Variants in MAPKAPK5 observed in about 807,000 individuals in gnomAD.
The protein encoded by MAPKAPK5 is MAPK activated protein kinase 5.
A neutral mutation model predicts 65.1 loss-of-function variants in MAPKAPK5; 30 were observed. That is an observed-to-expected ratio of 0.46 (90% confidence interval 0.34 to 0.63). The LOEUF is 0.63. MAPKAPK5 is among the 20% of genes least tolerant of loss of function. The probability of loss-of-function intolerance (pLI) is 0.01; values close to 1 mark genes in which losing one functional copy is unlikely to be tolerated. For synonymous variants in MAPKAPK5, 179 were observed against 204.6 expected (o/e 0.87, Z 1.07); for missense variants, 433 against 581.4 (o/e 0.74, Z 2.63).
Position 111,901,602 on chromosome 12 carries a change from T to A in MAPKAPK5, c.*8541T>A. The A allele has an allele frequency of 2.3e-5, 6 of 265,584 alleles. No homozygotes were observed. The highest frequency in any genetic ancestry group is 4.8e-5 in the Admixed American group (1 of 20,840). The allele number at this position is 265,584 out of a possible 1,614,324, so 16.5% of individuals were successfully genotyped here. On this transcript the variant is annotated 3_prime_UTR_variant, in exon 14 of 14. Coordinates refer to ENST00000550735, the MANE Select transcript of MAPKAPK5 (RefSeq NM_003668.4). Reference sequence around the variant, plus strand: ...GTGGCTCCACCACCGGCCCCAGAAATAAAGCCAGAAGCAGCAGAAGTGGCC... The same window carrying A: ...GTGGCTCCACCACCGGCCCCAGAAAAAAAGCCAGAAGCAGCAGAAGTGGCC...
intron 1 of MAPKAPK5, chr12:111,843,223 G>T (rs889466170): frequency 1.0e-5 from 4 of 398,514 alleles, no homozygotes; most frequent in African/African-American, 6.2e-5. Context: ...GTGGTTCGCC[G>T]TACAAAACCT....
At chr12:111,874,612 G>A (rs527383701) in intron 7 of MAPKAPK5, among the ~76,000 whole-genome samples, 47 of 147,434 alleles carry the variant, frequency 3.2e-4, no homozygotes, top group African/African-American at 1.1e-3. Context: ...ACAGGCGCCC[G>A]CCACCACACC....
intron 1 of MAPKAPK5, among the ~76,000 whole-genome samples, chr12:111,857,682 C>T (rs978646045): frequency 2.0e-5 from 3 of 152,108 alleles, no homozygotes; most frequent in Non-Finnish European, 4.4e-5. Context: ...CTTTATTTCA[C>T]TGTTAATTTT....
At chr12:111,884,941 A>G (rs1320803850) in intron 9 of MAPKAPK5, among the ~76,000 whole-genome samples, 1 of 152,212 alleles carries the variant, frequency 6.6e-6, no homozygotes, top group African/African-American at 2.4e-5. Flanking sequence ...TCTAAAATAG[A>G]CAAGTACAAG....
intron 1 of MAPKAPK5, among the ~76,000 whole-genome samples, chr12:111,844,914 T>C (rs988391176): frequency 2.6e-5 from 4 of 152,070 alleles, no homozygotes; most frequent in East Asian, 3.9e-4. Context: ...AGTGGGTCAG[T>C]GGAGATGATG....
rs922850709 is a variant in MAPKAPK5, at chr12:111,893,233, A to G, written c.*172A>G. 4.7e-6 allele frequency: 2 copies of G among 424,682 alleles called. No individual in the cohort carries two copies. Among genetic ancestry groups the G allele is most frequent in the African/African-American group, 4.0e-5 (2 of 49,498 alleles). The allele number at this position is 424,682 out of a possible 1,614,324, so 26.3% of individuals were successfully genotyped here. On this transcript the variant is annotated 3_prime_UTR_variant, in exon 14 of 14. Coordinates refer to ENST00000550735, the MANE Select transcript of MAPKAPK5 (RefSeq NM_003668.4). ...GTATAGTTATTGTTTGTTTTTAAGA[A>G]AAGCTCAGTTCTAGAGACATACTAT... is the stretch of plus-strand genomic sequence containing the variant.
In MAPKAPK5 at chr12:111,901,203, G is replaced by C. The variant is rs1478885922; in HGVS notation, c.*8142G>C. 4.4e-6 allele frequency: 2 copies of C among 456,016 alleles called. No individual in the cohort carries two copies. Among genetic ancestry groups the C allele is most frequent in the Non-Finnish European group, 8.8e-6 (2 of 226,796 alleles). 28.2% of individuals were successfully genotyped at this position (456,016 alleles called of 1,614,324 possible). ...TGGCACTTACTGTGCACCAAACAAA[G>C]TCTGCCTGAATTCCGCCTGCACAGA... On this transcript the variant is annotated 3_prime_UTR_variant, in exon 14 of 14. Transcript: ENST00000550735.
rs796383058 is a variant in MAPKAPK5, at chr12:111,849,240, CT to C, written c.36+6481del. Among the ~76,000 whole-genome samples the C allele has an allele frequency of 2.4e-3, 351 of 146,124 alleles. 3 individuals carry two copies. The highest frequency in any genetic ancestry group is 7.9e-3 in the African/African-American group (317 of 40,116). Reference sequence around the variant, plus strand: ...GGATTACTGCACCTGGCCAAGAGTTCTTTTTTTTTTCTTTCTTTTTTTTTTT... The same window carrying C: ...GGATTACTGCACCTGGCCAAGAGTTCTTTTTTTTTCTTTCTTTTTTTTTTT... On this transcript the variant is annotated intron_variant, in intron 1 of 13. Transcript: ENST00000550735.
chr12:111,883,451 T>C lies in MAPKAPK5; in HGVS notation c.661-130T>C. 1.5e-6 allele frequency: 1 copy of C among 683,372 alleles called. No homozygotes were observed. Among genetic ancestry groups the C allele is most frequent in the Non-Finnish European group, 2.5e-6 (1 of 402,354 alleles). The allele number at this position is 683,372 out of a possible 1,614,324, so 42.3% of individuals were successfully genotyped here. On this transcript the variant is annotated intron_variant, in intron 8 of 13. Coordinates refer to ENST00000550735, the MANE Select transcript of MAPKAPK5 (RefSeq NM_003668.4). This position sits in a 1 kb window ranked among gnomAD's most constrained non-coding sequence, Gnocchi z 4.8. ...CTCCTAAGACTTCCTTCAGCTTTCC[T>C]AGTCTCTGTTAAGTGACTCTAGTTT... is the stretch of plus-strand genomic sequence containing the variant.
At position 111,868,810 on chromosome 12, in the gene MAPKAPK5, C is replaced by G. The variant is rs2069690322; in HGVS notation, c.342C>G (p.Ile114Met). The change falls in exon 5 of 14, where the codon ATC becomes ATG. Residue 114 changes from isoleucine (I) to methionine (M), a missense_variant. By Grantham distance (10) the Ile-to-Met change is conservative (BLOSUM62 1). Transcript: ENST00000550735. ...MMEGGELFHR[I>M]SQHRHFTEKQ... The stretch of plus-strand genomic sequence containing the variant: ...AAGGGGGAGAGCTATTTCACAGAAT[C>G]AGCCAGCACCGGCACTTTACAGAGA... The G allele has an allele frequency of 6.4e-7, 1 of 1,569,178 alleles. No homozygotes were observed. Among genetic ancestry groups the G allele is most frequent in the East Asian group, 2.4e-5 (1 of 42,282 alleles).
rs1478443439 is a variant in MAPKAPK5 at position 111,842,787 on chromosome 12, C to T, written c.36+18C>T. The T allele has an allele frequency of 2.3e-6, 3 of 1,316,304 alleles. No individual in the cohort carries two copies. Among genetic ancestry groups the T allele is most frequent in the Admixed American group, 3.2e-5 (1 of 31,276 alleles). 81.5% of individuals were successfully genotyped at this position (1,316,304 alleles called of 1,614,324 possible). On this transcript the variant is annotated intron_variant, in intron 1 of 13. Coordinates refer to ENST00000550735, the MANE Select transcript of MAPKAPK5 (RefSeq NM_003668.4). ...CCATCAAGGTAAGGGGGAGGTGCCC[C>T]CTCTTCCCCCGCGTTGTCCTGTGGC...
chr12:111,900,050 T>G lies in MAPKAPK5; in HGVS notation c.*6989T>G. On this transcript the variant is annotated 3_prime_UTR_variant, in exon 14 of 14. Transcript: ENST00000550735. ...CGGTCCAGACAGTAGTGGATGTCAT[T>G]GCTCTGGCCAACAGCTTCACTAGGG... 2.2e-6 allele frequency: 1 copy of G among 456,074 alleles called. No homozygotes were observed. Among genetic ancestry groups the G allele is most frequent in the Non-Finnish European group, 4.4e-6 (1 of 226,798 alleles). 28.3% of individuals were successfully genotyped at this position (456,074 alleles called of 1,614,324 possible). A position where few individuals can be genotyped will look rare whatever the true frequency, so the allele number is the denominator to read the frequency against.
intron 5 of MAPKAPK5, among the ~76,000 whole-genome samples, 164 bp downstream of exon 5, chr12:111,869,025 C>T (rs1228344664): frequency 6.6e-6 from 1 of 151,886 alleles, no homozygotes; most frequent in Non-Finnish European, 1.5e-5. Flanking sequence ...GAAATGTGAC[C>T]CCTTTTATAC....
intron 7 of MAPKAPK5, 23 bp downstream of exon 7, chr12:111,871,203 C>T: frequency 6.3e-7 from 1 of 1,593,782 alleles, no homozygotes; most frequent in Non-Finnish European, 8.6e-7. Flanking sequence ...GGTTTCTGTC[C>T]TAAGATCTGT....
At chr12:111,874,247 T>G (rs2069879160) in intron 7 of MAPKAPK5, among the ~76,000 whole-genome samples, 1 of 151,628 alleles carries the variant, frequency 6.6e-6, no homozygotes, top group Non-Finnish European at 1.5e-5. Flanking sequence ...ATACAAAAAT[T>G]TGCTGGGCGT....
At position 111,900,293 on chromosome 12, in the gene MAPKAPK5, C is replaced by T. The variant is rs560694450; in HGVS notation, c.*7232C>T. 2.6e-5 allele frequency: 12 copies of T among 456,030 alleles called. No homozygotes were observed. The highest frequency in any genetic ancestry group is 1.0e-4 in the African/African-American group (5 of 50,184). 28.2% of individuals were successfully genotyped at this position (456,030 alleles called of 1,614,324 possible). On this transcript the variant is annotated 3_prime_UTR_variant, in exon 14 of 14. Coordinates refer to ENST00000550735, the MANE Select transcript of MAPKAPK5 (RefSeq NM_003668.4). ...CCTTTCTCAGTGGTGCCTGCTCAAG[C>T]GGTTTTGCGGCAGCTGTTGAATCCT...
In MAPKAPK5 at chr12:111,855,784, G is replaced by A. The variant is rs151185443; in HGVS notation, c.37-9466G>A. On this transcript the variant is annotated intron_variant, in intron 1 of 13. Transcript: ENST00000550735. ...AGAGATTGCAGTGAGCCAAGATTGC[G>A]CCACTGTACTCCAGCCTGGTGACAA... Among the ~76,000 whole-genome samples the A allele has an allele frequency of 2.7e-3, 408 of 151,348 alleles. 1 individual carries two copies. The highest frequency in any genetic ancestry group is 9.0e-3 in the African/African-American group (370 of 41,276).
chr12:111,857,338 T>G (rs1593133745), intron 1 of MAPKAPK5, among the ~76,000 whole-genome samples: 1 of 151,080 alleles, frequency 6.6e-6, no homozygotes, highest in African/African-American at 2.4e-5. Context: ...ACCTCCCGGG[T>G]TCAAGCAATT....
At chr12:111,850,333 C>G (rs1223470435) in intron 1 of MAPKAPK5, among the ~76,000 whole-genome samples, 1 of 152,132 alleles carries the variant, frequency 6.6e-6, no homozygotes, top group East Asian at 1.9e-4. Flanking sequence ...GGCCAAAATA[C>G]CTTTTTATTT....
Sources: gnomAD v4.1 joint callset for allele counts (sites outside exome capture counted in the v4.1 genomes callset) on GRCh38, gnomAD v4.1.1 for gene constraint, Gnocchi (gnomAD v3.1) non-coding constraint, MANE v1.5 for transcripts, NCBI Gene and HGNC (gene_info 2026-07-23, HGNC 2026-07-21) for gene names.